The following PPP1R14C variants were observed in gnomAD, a reference collection of about 807,000 sequenced individuals.
The protein encoded by PPP1R14C is protein phosphatase 1 regulatory inhibitor subunit 14C.
Under a neutral mutation model 20.4 loss-of-function variants are expected in PPP1R14C, and 16 were observed. That is an observed-to-expected ratio of 0.78 (90% CI 0.53 to 1.19). The LOEUF (loss-of-function observed/expected upper bound fraction) is 1.19, where lower values mean the gene tolerates loss of function less well. PPP1R14C is among the 50% of genes most tolerant of loss of function. The pLI is 0.00. For missense variants in PPP1R14C, 211 were observed against 220.1 expected (o/e 0.96, Z 0.26); for synonymous variants, 91 against 91.0 (o/e 1.00, Z 0.00).
chr6:150,147,170 T>C (rs1186956317), intron 1 of PPP1R14C, among the ~76,000 whole-genome samples: 1 of 151,390 alleles, frequency 6.6e-6, no homozygotes, highest in East Asian at 1.9e-4. Context: ...GGTGGGTTTT[T>C]TTTGTTTTGT....
intron 1 of PPP1R14C, among the ~76,000 whole-genome samples, chr6:150,209,658 G>A (rs1031831985): frequency 1.3e-5 from 2 of 151,206 alleles, no homozygotes; most frequent in Non-Finnish European, 2.9e-5. Flanking sequence ...ATCCATGTGT[G>A]TATTCACATG....
At chr6:150,243,005 C>A (rs1161306422) in intron 3 of PPP1R14C, among the ~76,000 whole-genome samples, 2 of 151,884 alleles carry the variant, frequency 1.3e-5, no homozygotes, top group Non-Finnish European at 2.9e-5. Context: ...AAATTATAAA[C>A]CATTGCTGAG....
chr6:150,223,081 T>TA (rs1343169254), intron 3 of PPP1R14C, among the ~76,000 whole-genome samples: 9 of 152,200 alleles, frequency 5.9e-5, no homozygotes, highest in Non-Finnish European at 1.2e-4. Context: ...AAATGGCTTT[T>TA]AAAAAATGTG....
At chr6:150,172,408 T>TTGTG (rs1036552643) in intron 1 of PPP1R14C, among the ~76,000 whole-genome samples, 1 of 151,920 alleles carries the variant, frequency 6.6e-6, no homozygotes, top group African/African-American at 2.4e-5. Flanking sequence ...AGCTGTGTTT[T>TTGTG]TGTGTGTGTG....
chr6:150,220,746 A>C (rs937417737), intron 3 of PPP1R14C, among the ~76,000 whole-genome samples: 3 of 152,222 alleles, frequency 2.0e-5, no homozygotes, highest in Non-Finnish European at 4.4e-5. Context: ...CAGTAAAAGC[A>C]CTGCATTTTC....
At chr6:150,214,039 C>T (rs963823036) in intron 1 of PPP1R14C, among the ~76,000 whole-genome samples, 10 of 152,208 alleles carry the variant, frequency 6.6e-5, no homozygotes, top group African/African-American at 2.2e-4. Flanking sequence ...CGGTAATTTC[C>T]GGTGCCACAC....
chr6:150,213,515 C>T (rs989358795), intron 1 of PPP1R14C, among the ~76,000 whole-genome samples: 15 of 152,206 alleles, frequency 9.9e-5, no homozygotes, highest in East Asian at 1.9e-4. Flanking sequence ...AGGGAATGCC[C>T]GGGTGTCCCC....
At chr6:150,182,136 T>C (rs1208200870) in intron 1 of PPP1R14C, among the ~76,000 whole-genome samples, 1 of 98,336 alleles carries the variant, frequency 1.0e-5, no homozygotes. Context: ...TATGCATTTA[T>C]AATTTTCATG....
intron 1 of PPP1R14C, among the ~76,000 whole-genome samples, chr6:150,175,879 G>C (rs191536668): frequency 6.6e-6 from 1 of 152,302 alleles, no homozygotes; most frequent in Admixed American, 6.5e-5. Context: ...CAATCTACCC[G>C]TGGTGTTTTA....
At chr6:150,144,094 A>G (rs977045033) in intron 1 of PPP1R14C, among the ~76,000 whole-genome samples, 1 of 152,218 alleles carries the variant, frequency 6.6e-6, no homozygotes, top group African/African-American at 2.4e-5. Context: ...TCCGCCCTGC[A>G]TTATCAGAGC....
chr6:150,143,524 T>TGGGG lies in PPP1R14C; in HGVS notation c.306+26_306+27insGGGG. On this transcript the variant is annotated intron_variant, in intron 1 of 3. Coordinates refer to ENST00000361131, the MANE Select transcript of PPP1R14C (RefSeq NM_030949.3). This position sits in a 1 kb window ranked among gnomAD's most constrained non-coding sequence, Gnocchi z 5.6. ...GTACCTGGGCGCGGGGCTGGGAGGG[T>TGGGG]CGGGGACCTCTCTAGCTCCTCTGTG... The TGGGG allele has an allele frequency of 1.2e-6, 1 of 821,472 alleles. No homozygotes were observed. The allele number at this position is 821,472 out of a possible 1,614,324, so 50.9% of individuals were successfully genotyped here.
chr6:150,168,738 A>G (rs1777465553), intron 1 of PPP1R14C, among the ~76,000 whole-genome samples: 1 of 152,160 alleles, frequency 6.6e-6, no homozygotes, highest in South Asian at 2.1e-4. Context: ...AACACCAAAT[A>G]ATCAGAAAGT....
chr6:150,237,970 C>G (rs1778384402), intron 3 of PPP1R14C, among the ~76,000 whole-genome samples: 1 of 152,118 alleles, frequency 6.6e-6, no homozygotes, highest in African/African-American at 2.4e-5. Flanking sequence ...CTCCTTCTTG[C>G]ATCATTATAC....
At chr6:150,154,279 G>A (rs545769788) in intron 1 of PPP1R14C, among the ~76,000 whole-genome samples, 1 of 152,308 alleles carries the variant, frequency 6.6e-6, no homozygotes, top group South Asian at 2.1e-4. Flanking sequence ...AATAAGCCAG[G>A]GCAGGATGTA....
chr6:150,208,544 A>G (rs549268473), intron 1 of PPP1R14C, among the ~76,000 whole-genome samples: 2 of 152,266 alleles, frequency 1.3e-5, no homozygotes, highest in South Asian at 2.1e-4. Flanking sequence ...TCCTTATGCT[A>G]TGGTTATAAA....
In PPP1R14C at chr6:150,169,602, G is replaced by C. The variant is rs189914507; in HGVS notation, c.306+26104G>C. The stretch of plus-strand genomic sequence containing the variant: ...GAGAAGGTGTCAAAAGCAGAGACCT[G>C]CATAAGGTGAAGGCACAGGACAAGT... On this transcript the variant is annotated intron_variant, in intron 1 of 3. Transcript: ENST00000361131. Among the ~76,000 whole-genome samples the C allele has an allele frequency of 1.2e-3, 186 of 152,328 alleles. 2 individuals carry two copies. The highest frequency in any genetic ancestry group is 7.3e-5 in the Non-Finnish European group (5 of 68,032).
At chr6:150,164,676 C>A (rs899152707) in intron 1 of PPP1R14C, 8 of 177,788 alleles carry the variant, frequency 4.5e-5, no homozygotes, top group Non-Finnish European at 8.7e-5. Context: ...TGGCACATGA[C>A]CCATCTGACC....
At chr6:150,235,196 C>T (rs1168729754) in intron 3 of PPP1R14C, among the ~76,000 whole-genome samples, 1 of 152,186 alleles carries the variant, frequency 6.6e-6, no homozygotes, top group Non-Finnish European at 1.5e-5. Flanking sequence ...TCAAATGATC[C>T]TCCTGCCTCA....
chr6:150,249,452 T>A lies in PPP1R14C; in HGVS notation c.*632T>A, dbSNP rs139879322. 229 of 398,672 alleles carry A rather than the reference T, an allele frequency of 5.7e-4. 1 individual carries two copies. In the East Asian group the frequency reaches 7.9e-3, roughly 14 times the overall value. The allele number at this position is 398,672 out of a possible 1,614,324, so 24.7% of individuals were successfully genotyped here. A position where few individuals can be genotyped will look rare whatever the true frequency, so the allele number is the denominator to read the frequency against. ...GAATTCAGTGTATCCGTTATTTTAA[T>A]GCACTACACCACAGAAATGTTAAGT... is the stretch of plus-strand genomic sequence containing the variant. On this transcript the variant is annotated 3_prime_UTR_variant, in exon 4 of 4. Coordinates refer to ENST00000361131, the MANE Select transcript of PPP1R14C (RefSeq NM_030949.3).
Sources: allele counts gnomAD v4.1 joint callset (sites outside exome capture counted in the v4.1 genomes callset), GRCh38; gene constraint gnomAD v4.1.1; non-coding constraint Gnocchi (gnomAD v3.1); transcripts MANE v1.5; gene names NCBI Gene and HGNC (gene_info 2026-07-23, HGNC 2026-07-21).